The following SOX5 variants were observed in gnomAD, a reference collection of about 807,000 sequenced individuals.
SOX5 encodes the protein SRY-box transcription factor 5, also known as transcription factor SOX-5.
Under a neutral mutation model 92.0 loss-of-function variants are expected in SOX5, and 9 were observed. That is an observed-to-expected ratio of 0.10 (90% CI 0.06 to 0.17). The LOEUF is 0.17. SOX5 is among the 10% of genes least tolerant of loss of function. The pLI, the probability that SOX5 is intolerant of heterozygous loss-of-function variation, is 1.00. For missense variants in SOX5, 642 were observed against 944.5 expected (o/e 0.68, Z 4.20); for synonymous variants, 344 against 336.3 (o/e 1.02, Z -0.25).
At chr12:23,665,617 T>G (rs1479940490) in intron 6 of SOX5, 53 bp from the exon 7 acceptor site, 11 of 1,548,552 alleles carry the variant, frequency 7.1e-6, no homozygotes, top group Non-Finnish European at 7.0e-6. Flanking sequence ...TGCTCCATGC[T>G]TCTTCCCACC....
chr12:24,230,438 T>C (rs1001389511), intron 3 of SOX5: 1 of 152,146 alleles, frequency 6.6e-6, no homozygotes, highest in African/African-American at 2.4e-5. Context: ...ACTTTCTTTT[T>C]CCGTGGTTCC....
At chr12:24,408,921 T>C (rs1340703728) in intron 1 of SOX5, among the ~76,000 whole-genome samples, 1 of 152,198 alleles carries the variant, frequency 6.6e-6, no homozygotes, top group African/African-American at 2.4e-5. Flanking sequence ...AGCATGGTGA[T>C]TCCTCGAGAA....
At chr12:24,023,666 G>T (rs564670548) in intron 4 of SOX5, among the ~76,000 whole-genome samples, 1 of 152,148 alleles carries the variant, frequency 6.6e-6, no homozygotes, top group East Asian at 1.9e-4. Flanking sequence ...TATTTTTAGA[G>T]TTGACATGGA....
At chr12:23,618,001 T>C (rs7963001) in intron 8 of SOX5, among the ~76,000 whole-genome samples, 15,081 of 152,054 alleles carry the variant, frequency 0.099, 1,265 homozygotes, top group African/African-American at 0.23. Context: ...ACCTATTCGA[T>C]TGACCCTTTT....
chr12:24,385,926 C>CAA (rs35813329), intron 1 of SOX5, among the ~76,000 whole-genome samples: 2,957 of 73,152 alleles, frequency 0.04, 129 homozygotes, highest in African/African-American at 0.083. Context: ...GACCTTGTCA[C>CAA]AAAAAAAAAA....
intron 2 of SOX5, among the ~76,000 whole-genome samples, chr12:23,873,529 C>A (rs2096896748): frequency 6.6e-6 from 1 of 152,120 alleles, no homozygotes; most frequent in Admixed American, 6.6e-5. Context: ...AAATAAACCA[C>A]TTGTTTACAT....
intron 1 of SOX5, among the ~76,000 whole-genome samples, chr12:24,517,049 A>G (rs1949852510): frequency 6.6e-6 from 1 of 152,210 alleles, no homozygotes. Flanking sequence ...TAAAATATAC[A>G]TTAGTTTTCA....
chr12:24,012,497 A>T (rs1350239394), intron 4 of SOX5, among the ~76,000 whole-genome samples: 1 of 152,206 alleles, frequency 6.6e-6, no homozygotes, highest in African/African-American at 2.4e-5. Context: ...AATTCACAGT[A>T]GATAATTTTA....
intron 10 of SOX5, among the ~76,000 whole-genome samples, chr12:23,570,188 T>C (rs1439240054): frequency 6.6e-6 from 1 of 152,216 alleles, no homozygotes; most frequent in Non-Finnish European, 1.5e-5. Flanking sequence ...CCAGTGATTT[T>C]CAACAAATAT....
At chr12:24,053,993 G>A (rs886493969) in intron 4 of SOX5, among the ~76,000 whole-genome samples, 3 of 152,188 alleles carry the variant, frequency 2.0e-5, no homozygotes, top group Non-Finnish European at 4.4e-5. Context: ...CAAGCTCTAT[G>A]GCTCTGAGGC....
intron 4 of SOX5, among the ~76,000 whole-genome samples, chr12:24,105,497 T>A (rs960414466): frequency 1.3e-5 from 2 of 152,108 alleles, no homozygotes; most frequent in Non-Finnish European, 2.9e-5. Flanking sequence ...GCCGAGATCA[T>A]GCCACTGCAC....
At position 24,407,194 on chromosome 12, in the gene SOX5, A is replaced by C. The variant is rs1265902348; in HGVS notation, c.-250-38555T>G. ...CCCAAGAAGTATCTAGAAGAAACTA[A>C]GAGAAGGAGAACAGAAGATCCTCGA... On this transcript the variant is annotated intron_variant, in intron 1 of 4. Transcript: ENST00000446891. Among the ~76,000 whole-genome samples the C allele has an allele frequency of 5.9e-5, 9 of 152,170 alleles. No individual in the cohort carries two copies. In the East Asian group the frequency reaches 1.7e-3, roughly 29 times the overall value.
At chr12:23,781,819 T>C (rs930745726) in intron 3 of SOX5, among the ~76,000 whole-genome samples, 1 of 152,060 alleles carries the variant, frequency 6.6e-6, no homozygotes, top group African/African-American at 2.4e-5. Flanking sequence ...TCAAGGAGAA[T>C]TTGGAAAACT....
intron 3 of SOX5, among the ~76,000 whole-genome samples, chr12:23,758,117 G>A (rs887119709): frequency 6.7e-6 from 1 of 150,190 alleles, no homozygotes; most frequent in African/African-American, 2.4e-5. Flanking sequence ...GTCTGTGGAT[G>A]AATAAAGACA....
intron 4 of SOX5, among the ~76,000 whole-genome samples, chr12:23,990,108 G>A (rs1950429466): frequency 6.6e-6 from 1 of 152,020 alleles, no homozygotes; most frequent in South Asian, 2.1e-4. Flanking sequence ...TAAAAAGGAA[G>A]GAAGGAAGAT....
At chr12:23,839,857 G>A (rs376316674) in intron 3 of SOX5, among the ~76,000 whole-genome samples, 19 of 150,380 alleles carry the variant, frequency 1.3e-4, no homozygotes, top group African/African-American at 2.0e-4. Context: ...CAAAAATCCC[G>A]CAGCTAACAT....
chr12:23,959,452 A>T (rs1946651738), intron 4 of SOX5, among the ~76,000 whole-genome samples: 1 of 152,082 alleles, frequency 6.6e-6, no homozygotes, highest in East Asian at 1.9e-4. Flanking sequence ...AAAATCATAA[A>T]CTATTAGAAG....
intron 6 of SOX5, among the ~76,000 whole-genome samples, chr12:23,724,685 G>T (rs1181696019): frequency 6.6e-6 from 1 of 152,076 alleles, no homozygotes; most frequent in Non-Finnish European, 1.5e-5. Flanking sequence ...TTTGGATTGG[G>T]CTGTCAGAGG....
chr12:24,418,271 G>C (rs1240920403), intron 1 of SOX5, among the ~76,000 whole-genome samples: 2 of 152,192 alleles, frequency 1.3e-5, no homozygotes, highest in Non-Finnish European at 2.9e-5. Flanking sequence ...TATGCAGTTT[G>C]AGGGACTGAC....
Sources: allele counts gnomAD v4.1 joint callset (sites outside exome capture counted in the v4.1 genomes callset), GRCh38; gene constraint gnomAD v4.1.1; transcripts MANE v1.5; gene names NCBI Gene and HGNC (gene_info 2026-07-23, HGNC 2026-07-21).